MAP3K15: variants seen among roughly 807,000 people sequenced by gnomAD.
MAP3K15 encodes the protein MAPK/ERK kinase kinase 15.
Under a neutral mutation model 99.5 loss-of-function variants are expected in MAP3K15, and 124 were observed. The ratio of observed to expected loss-of-function variants is 1.25; its 90% CI spans 1.08 to 1.45. MAP3K15 has a LOEUF of 1.45. Among genes scored for constraint, MAP3K15 ranks in the 40% most tolerant of loss-of-function variants. The probability of loss-of-function intolerance (pLI) is 0.00; values close to 1 mark genes in which losing one functional copy is unlikely to be tolerated. For missense variants in MAP3K15, 1,242 were observed against 1,079.7 expected (o/e 1.15, Z -2.11); for synonymous variants, 494 against 439.6 (o/e 1.12, Z -1.55).
At chrX:19,392,501 T>C (rs747683208) in intron 16 of MAP3K15, 28 bp from the exon 17 acceptor site, 42 of 1,190,416 alleles carry the variant, frequency 3.5e-5, no homozygotes, top group Middle Eastern at 4.7e-4. Context: ...AAAAAACTTA[T>C]CAGGAAGAGA....
At chrX:19,410,030 T>C (rs2063675422) in intron 11 of MAP3K15, 57 bp from the exon 12 acceptor site, 1 of 1,055,397 alleles carries the variant, frequency 9.5e-7, no homozygotes, top group African/African-American at 1.8e-5. Context: ...CAAATGATTT[T>C]TTTTGTTTCA....
At chrX:19,381,588 G>A (rs191503745) in intron 18 of MAP3K15, among the ~76,000 whole-genome samples, 4 of 112,178 alleles carry the variant, frequency 3.6e-5, no homozygotes, top group South Asian at 7.4e-4. Context: ...ACAGCGGTCC[G>A]GGGAACAAGC....
intron 7 of MAP3K15, among the ~76,000 whole-genome samples, chrX:19,430,161 G>GACCTT (rs2063869748): frequency 8.9e-6 from 1 of 112,168 alleles, no homozygotes; most frequent in Admixed American, 9.4e-5. Flanking sequence ...AATGTGGGCG[G>GACCTT]ACCTTGTGAT....
chrX:19,481,295 T>C (rs1049439065), intron 3 of MAP3K15, among the ~76,000 whole-genome samples: 46 of 108,879 alleles, frequency 4.2e-4, no homozygotes, highest in African/African-American at 1.2e-3. Context: ...TTTCTTTTTT[T>C]TAAGAAACAG....
At position 19,472,226 on chromosome X, in the gene MAP3K15, AAATAATAATAATAATAAT is replaced by A. The variant is rs202068828; in HGVS notation, c.526-7838_526-7821del. Among the ~76,000 whole-genome samples, 203 of 97,399 alleles carry A rather than the reference AAATAATAATAATAATAAT, an allele frequency of 2.1e-3. 2 individuals are homozygous for A. The highest frequency in any genetic ancestry group is 7.3e-3 in the African/African-American group (192 of 26,479). The allele number at this position is 97,399 out of a possible 115,157, so 84.6% of individuals were successfully genotyped here. ...GCCATAGAGCGAGACTCTGTCTCAA[AAATAATAATAATAATAAT>A]AATAATAATAATAATAATAATAATA... On this transcript the variant is annotated intron_variant, in intron 3 of 28. Transcript: ENST00000338883.
chrX:19,449,485 A>C (rs980330825), intron 6 of MAP3K15, among the ~76,000 whole-genome samples: 1 of 109,304 alleles, frequency 9.1e-6, no homozygotes, highest in African/African-American at 3.3e-5. Flanking sequence ...TGGGACATTT[A>C]TCAATGTCTA....
rs969803616 is a variant in MAP3K15 at position 19,470,223 on chromosome X, A to T, written c.526-5817T>A. Among the ~76,000 whole-genome samples the T allele has an allele frequency of 2.9e-4, 32 of 111,717 alleles. No homozygotes were observed. The Admixed American group carries it at 3.0e-3, about 11-fold the overall frequency. On this transcript the variant is annotated intron_variant, in intron 3 of 28. Coordinates refer to ENST00000338883, the MANE Select transcript of MAP3K15 (RefSeq NM_001001671.4). ...ACACCATGGAATACTATGCAGCCAT[A>T]AAAAAGGATGAGTTCATGTCCTTTG...
chrX:19,414,505 A>C (rs1190881733), intron 10 of MAP3K15, among the ~76,000 whole-genome samples: 2 of 112,515 alleles, frequency 1.8e-5, no homozygotes, highest in Non-Finnish European at 3.7e-5. Context: ...CAAGACATTC[A>C]CATATTTCAC....
intron 18 of MAP3K15, among the ~76,000 whole-genome samples, chrX:19,389,410 G>A (rs1037025010): frequency 7.2e-5 from 8 of 110,679 alleles, no homozygotes; most frequent in African/African-American, 2.6e-4. Flanking sequence ...AACACAGGGA[G>A]GGAGGGCTCC....
At chrX:19,504,370 G>A (rs1441467440) in intron 1 of MAP3K15, among the ~76,000 whole-genome samples, 2 of 110,755 alleles carry the variant, frequency 1.8e-5, no homozygotes, top group Non-Finnish European at 3.8e-5. Context: ...GCTTGCTGCT[G>A]CTGCTCACAT....
At chrX:19,360,919 GAAAAT>G in intron 28 of MAP3K15, 86 bp from the exon 29 acceptor site, 1 of 720,923 alleles carries the variant, frequency 1.4e-6, no homozygotes. Flanking sequence ...AAAACCTAAT[GAAAAT>G]AAAAACATTC....
At chrX:19,373,129 A>C in intron 21 of MAP3K15, 1 of 200,119 alleles carries the variant, frequency 5.0e-6, no homozygotes, top group Non-Finnish European at 8.7e-6. Context: ...GGTGAGGGGG[A>C]CAGGGGAAGG....
rs758144000 is a variant in MAP3K15 at position 19,452,351 on chromosome X, AAAGAGAAGAG to A, written c.995+4552_995+4561del. 5.2e-3 allele frequency among the ~76,000 whole-genome samples: 12 copies of A among 2,309 alleles called. 3 individuals carry two copies. The highest frequency in any genetic ancestry group is 0.021 in the African/African-American group (3 of 145). The allele number at this position is 2,309 out of a possible 115,157, so 2.0% of individuals were successfully genotyped here. A position where few individuals can be genotyped will look rare whatever the true frequency, so the allele number is the denominator to read the frequency against. On this transcript the variant is annotated intron_variant, in intron 6 of 28. Coordinates refer to ENST00000338883, the MANE Select transcript of MAP3K15 (RefSeq NM_001001671.4). ...AAGAGAAGAGAAGAGAAGAGAAGAG[AAAGAGAAGAG>A]AAGAGAAGAGAAGAGAGAAAAGAAA...
chrX:19,376,158 T>C (rs1005855757), intron 19 of MAP3K15, among the ~76,000 whole-genome samples: 1 of 111,592 alleles, frequency 9.0e-6, no homozygotes, highest in African/African-American at 3.3e-5. Flanking sequence ...ATTGGTCTCC[T>C]AGGGCCACTG....
chrX:19,426,266 T>C lies in MAP3K15; in HGVS notation c.1244A>G (p.Gln415Arg). ...NLAVLLIVAG[Q>R]QFETSLELRK... ...TAGTTCCAAGGAAGTTTCAAATTGT[T>C]GTCCAGCAACAATCAGCAAAACTGC... Residue 415 changes from glutamine to arginine, a missense_variant, in exon 8 of 29, where the codon CAA becomes CGA. Gln to Arg is a conservative substitution (Grantham distance 43). Transcript: ENST00000338883. 1 of 1,167,399 alleles carries C rather than the reference T, an allele frequency of 8.6e-7. No individual in the cohort carries two copies. The highest frequency in any genetic ancestry group is 1.1e-6 in the Non-Finnish European group (1 of 876,727).
chrX:19,439,749 A>AT (rs2063946481), intron 6 of MAP3K15, among the ~76,000 whole-genome samples: 1 of 112,398 alleles, frequency 8.9e-6, no homozygotes, highest in Non-Finnish European at 1.9e-5. Context: ...GATTACAGGC[A>AT]TGAGTCACAG....
Position 19,417,315 on chromosome X carries a change from C to T in MAP3K15, c.1440-2058G>A, listed in dbSNP as rs192038989. On this transcript the variant is annotated intron_variant, in intron 9 of 28. Coordinates refer to ENST00000338883, the MANE Select transcript of MAP3K15 (RefSeq NM_001001671.4). The stretch of plus-strand genomic sequence containing the variant: ...CCTAGTCAAAGCAAGGGGTGACAGA[C>T]GGCACCTGGAAAATCGGGTCGCTCC... 5.3e-3 allele frequency among the ~76,000 whole-genome samples: 594 copies of T among 112,246 alleles called. 2 individuals carry two copies. Among genetic ancestry groups the T allele is most frequent in the African/African-American group, 0.018 (550 of 30,915 alleles).
At chrX:19,467,364 C>T (rs1332885756) in intron 3 of MAP3K15, among the ~76,000 whole-genome samples, 1 of 110,661 alleles carries the variant, frequency 9.0e-6, no homozygotes, top group Non-Finnish European at 1.9e-5. Flanking sequence ...TCTTATTCCT[C>T]GCAGCCTGAT....
At chrX:19,456,582 A>G (rs1254671765) in intron 6 of MAP3K15, among the ~76,000 whole-genome samples, 2 of 112,207 alleles carry the variant, frequency 1.8e-5, no homozygotes, top group Admixed American at 9.5e-5. Context: ...AACACAAATC[A>G]TATACTTAAG....
Sources: gnomAD v4.1 joint callset for allele counts (sites outside exome capture counted in the v4.1 genomes callset) on GRCh38, gnomAD v4.1.1 for gene constraint, MANE v1.5 for transcripts, NCBI Gene and HGNC (gene_info 2026-07-23, HGNC 2026-07-21) for gene names.